TESK2: variants seen among roughly 807,000 people sequenced by gnomAD.
TESK2 encodes dual specificity testis-specific protein kinase 2.
In TESK2, 39 loss-of-function variants were observed where a neutral mutation model predicts 57.1. That is an observed-to-expected ratio of 0.68 (90% CI 0.53 to 0.89). The LOEUF (loss-of-function observed/expected upper bound fraction) is 0.89, where lower values mean the gene tolerates loss of function less well. Ranked by LOEUF, TESK2 falls within the 40% of genes least tolerant of loss-of-function variation. The pLI, the probability that TESK2 is intolerant of heterozygous loss-of-function variation, is 0.00. For synonymous variants in TESK2, 249 were observed against 267.9 expected, an observed-to-expected ratio of 0.93 and a Z score of 0.69; for missense variants, 646 against 732.1, an observed-to-expected ratio of 0.88 and a Z score of 1.36.
chr1:45,456,814 T>C (rs918901656), intron 2 of TESK2, among the ~76,000 whole-genome samples: 1 of 152,234 alleles, frequency 6.6e-6, no homozygotes, highest in Non-Finnish European at 1.5e-5. Flanking sequence ...CTATTTGTAG[T>C]AATGGAAGTC....
At chr1:45,489,106 G>A (rs1270303693) in intron 1 of TESK2, among the ~76,000 whole-genome samples, 1 of 151,354 alleles carries the variant, frequency 6.6e-6, no homozygotes, top group East Asian at 1.9e-4. Flanking sequence ...ACTCCAGCCT[G>A]GGCGACAGAG....
chr1:45,397,969 G>A (rs1051082749), intron 3 of TESK2, among the ~76,000 whole-genome samples: 5 of 152,086 alleles, frequency 3.3e-5, no homozygotes, highest in Admixed American at 1.3e-4. Flanking sequence ...GTGCAGTGGC[G>A]TGATCATAGC....
At chr1:45,464,498 A>G (rs542100849) in intron 1 of TESK2, among the ~76,000 whole-genome samples, 3 of 150,870 alleles carry the variant, frequency 2.0e-5, no homozygotes, top group Non-Finnish European at 4.4e-5. Flanking sequence ...GTTCCTAGGT[A>G]TTTTATCCTA....
intron 8 of TESK2, 93 bp from the exon 9 acceptor site, chr1:45,346,872 G>T: frequency 6.5e-7 from 1 of 1,531,984 alleles, no homozygotes; most frequent in Non-Finnish European, 9.0e-7. Flanking sequence ...AGCTGCCCCT[G>T]ACAACCAGCA....
intron 4 of TESK2, among the ~76,000 whole-genome samples, chr1:45,365,978 T>A (rs1268329717): frequency 6.6e-6 from 1 of 151,954 alleles, no homozygotes; most frequent in African/African-American, 2.4e-5. Flanking sequence ...CCAGCCTAAT[T>A]TTGTATTTTT....
chr1:45,345,418 C>T lies in TESK2; in HGVS notation c.1138G>A (p.Val380Met). Reference sequence around the variant, plus strand: ...CGGTAGTATGGGTCCAAGACACTCACTGTACGTGGGGGCTTACGGGAAAAG... The same window carrying T: ...CGGTAGTATGGGTCCAAGACACTCATTGTACGTGGGGGCTTACGGGAAAAG... Reference protein sequence around the residue: ...DIFSRKPPRTVSVLDPYYRPR... With the variant: ...DIFSRKPPRTMSVLDPYYRPR... The change falls in exon 11 of 11, where the codon GTG becomes ATG. Residue 380 changes from valine to methionine, a missense_variant. Transcript: ENST00000372086. 1 of 1,614,180 alleles carries T rather than the reference C, an allele frequency of 6.2e-7. No individual in the cohort carries two copies. Among genetic ancestry groups the T allele is most frequent in the South Asian group, 1.1e-5 (1 of 91,070 alleles).
chr1:45,372,024 G>A (rs1342277748), intron 4 of TESK2, among the ~76,000 whole-genome samples: 3 of 152,040 alleles, frequency 2.0e-5, no homozygotes, highest in East Asian at 1.9e-4. Context: ...CAAGGTGAGA[G>A]GATTGCTTGA....
At chr1:45,482,980 CAAAA>C (rs71052882) in intron 1 of TESK2, among the ~76,000 whole-genome samples, 1 of 121,584 alleles carries the variant, frequency 8.2e-6, no homozygotes. Context: ...AACTCCAATT[CAAAA>C]AAAAAAAAAA....
intron 2 of TESK2, among the ~76,000 whole-genome samples, chr1:45,436,799 CTT>C (rs35797939): frequency 8.9e-5 from 11 of 123,076 alleles, no homozygotes; most frequent in Admixed American, 1.7e-4. Flanking sequence ...ACATTAGTAT[CTT>C]TTTTTTTTTT....
intron 1 of TESK2, among the ~76,000 whole-genome samples, chr1:45,472,702 T>C (rs1159231447): frequency 3.3e-5 from 5 of 152,004 alleles, no homozygotes; most frequent in African/African-American, 9.7e-5. Context: ...AAGGATATGA[T>C]GTGTAAGGAG....
chr1:45,431,881 C>T (rs988745148), intron 2 of TESK2, among the ~76,000 whole-genome samples: 1 of 152,086 alleles, frequency 6.6e-6, no homozygotes, highest in Non-Finnish European at 1.5e-5. Flanking sequence ...TGGCTCAAGG[C>T]CTGGTGGGTA....
chr1:45,448,047 T>G (rs1651709603), intron 2 of TESK2, among the ~76,000 whole-genome samples: 1 of 149,898 alleles, frequency 6.7e-6, no homozygotes. Flanking sequence ...TTTGTTTTTT[T>G]TTTTTGGTAG....
At chr1:45,396,642 C>T (rs974104799) in intron 3 of TESK2, among the ~76,000 whole-genome samples, 7 of 151,194 alleles carry the variant, frequency 4.6e-5, no homozygotes, top group African/African-American at 1.5e-4. Context: ...GCGCCTGCCA[C>T]CATGCCTGGC....
rs762621176 is a variant in TESK2, at chr1:45,344,857, C to T, written c.1699G>A (p.Gly567Arg). 1.2e-5 allele frequency: 20 copies of T among 1,612,754 alleles called. No individual in the cohort carries two copies. The South Asian group carries it at 2.2e-4, about 18-fold the overall frequency. ...STSGIGLQTQGKQDG is the reference protein window; with the variant it reads ...STSGIGLQTQRKQDG ...AAACCCCCTCACCCATCCTGCTTTC[C>T]CTGGGTTTGCAGGCCTATGCCTGAG... The change falls in exon 11 of 11, where the codon GGA (glycine) becomes AGA (arginine). Residue 567 changes from glycine to arginine, a missense_variant. Physicochemically the swap from Gly to Arg is moderately radical, Grantham distance 125 (BLOSUM62 -2). Coordinates refer to ENST00000372086, the MANE Select transcript of TESK2 (RefSeq NM_007170.3).
In TESK2 at chr1:45,457,563, C is replaced by G. The variant is rs1159754176; in HGVS notation, c.222+1G>C. 6.2e-7 allele frequency: 1 copy of G among 1,613,284 alleles called. No homozygotes were observed. Among genetic ancestry groups the G allele is most frequent in the Non-Finnish European group, 8.5e-7 (1 of 1,179,484 alleles). ...ATGAGAAAAGCTGAAGACTCACTCA[C>G]CTTGAACACTTCAGAAAAGAAGCCA... On this transcript the variant is annotated splice_donor_variant, in intron 2 of 10. Transcript: ENST00000372086. LOFTEE classifies it high-confidence loss of function.
chr1:45,350,731 TG>T (rs2149263681), intron 5 of TESK2, among the ~76,000 whole-genome samples: 1 of 152,336 alleles, frequency 6.6e-6, no homozygotes, highest in South Asian at 2.1e-4. Context: ...TGTAATGGCC[TG>T]CTGACTTAAA....
In TESK2 at chr1:45,344,706, C is replaced by T; in HGVS notation, c.*134G>A. 2 of 819,734 alleles carry T rather than the reference C, an allele frequency of 2.4e-6. No individual in the cohort carries two copies. The highest frequency in any genetic ancestry group is 3.8e-6 in the Non-Finnish European group (2 of 522,724). 50.8% of individuals were successfully genotyped at this position (819,734 alleles called of 1,614,324 possible). A position where few individuals can be genotyped will look rare whatever the true frequency, so the allele number is the denominator to read the frequency against. ...TACACAGCCAATGGGCACTGGGAGC[C>T]CAGAAGTTGAGCCTGGCTTGGCCTA... On this transcript the variant is annotated 3_prime_UTR_variant, in exon 11 of 11. Transcript: ENST00000372086.
intron 8 of TESK2, 66 bp from the exon 9 acceptor site, chr1:45,346,845 C>T: frequency 1.3e-6 from 2 of 1,553,900 alleles, no homozygotes; most frequent in East Asian, 2.3e-5. Flanking sequence ...CTAGCCTGCT[C>T]AGTAGAAGTG....
At chr1:45,440,342 T>C (rs1037198414) in intron 2 of TESK2, among the ~76,000 whole-genome samples, 1 of 152,086 alleles carries the variant, frequency 6.6e-6, no homozygotes, top group African/African-American at 2.4e-5. Flanking sequence ...AATCATGCTA[T>C]GAAAACTATG....
Sources: allele counts gnomAD v4.1 joint callset (sites outside exome capture counted in the v4.1 genomes callset), GRCh38; gene constraint gnomAD v4.1.1; transcripts MANE v1.5; gene names NCBI Gene and HGNC (gene_info 2026-07-23, HGNC 2026-07-21).